The following FNBP1 variants were observed in gnomAD, a reference collection of about 807,000 sequenced individuals.
FNBP1 encodes formin-binding protein 1.
Under a neutral mutation model 90.6 loss-of-function variants are expected in FNBP1, and 26 were observed. The observed-to-expected ratio is 0.29, with a 90% confidence interval of 0.21 to 0.40. FNBP1 has a LOEUF of 0.40. FNBP1 is among the 10% of genes least tolerant of loss of function. The pLI is 1.00. For synonymous variants in FNBP1, 260 were observed against 265.2 expected (o/e 0.98, Z 0.19); for missense variants, 635 against 768.0 (o/e 0.83, Z 2.05).
chr9:129,946,351 A>G (rs1381504422), intron 6 of FNBP1, among the ~76,000 whole-genome samples: 1 of 152,220 alleles, frequency 6.6e-6, no homozygotes, highest in African/African-American at 2.4e-5. Context: ...TATACAAAAA[A>G]TGGAAGGCAA....
At chr9:129,955,534 C>G (rs2046798153) in intron 6 of FNBP1, among the ~76,000 whole-genome samples, 1 of 146,452 alleles carries the variant, frequency 6.8e-6, no homozygotes, top group Admixed American at 6.8e-5. Flanking sequence ...ATACACCACA[C>G]CAAAAAAAAA....
intron 2 of FNBP1, among the ~76,000 whole-genome samples, chr9:129,984,291 A>G (rs1211277436): frequency 3.3e-5 from 5 of 152,220 alleles, no homozygotes; most frequent in African/African-American, 1.2e-4. Flanking sequence ...AAAAAAATGA[A>G]GAAAGGAGTC....
chr9:130,008,330 C>A (rs2056099893), intron 1 of FNBP1, among the ~76,000 whole-genome samples: 1 of 152,018 alleles, frequency 6.6e-6, no homozygotes, highest in Non-Finnish European at 1.5e-5. Context: ...GCCTGGGCAA[C>A]AGAGTGAGAC....
At chr9:129,915,681 A>G (rs2040150472) in intron 11 of FNBP1, among the ~76,000 whole-genome samples, 1 of 152,150 alleles carries the variant, frequency 6.6e-6, no homozygotes, top group African/African-American at 2.4e-5. Context: ...TAATATTTAT[A>G]TAGACACTTT....
At chr9:129,952,470 C>A (rs2046332240) in intron 6 of FNBP1, among the ~76,000 whole-genome samples, 1 of 152,000 alleles carries the variant, frequency 6.6e-6, no homozygotes, top group Admixed American at 6.6e-5. Flanking sequence ...TGCACTCTAG[C>A]CTGGGCGACA....
intron 1 of FNBP1, among the ~76,000 whole-genome samples, chr9:129,998,852 C>T (rs1429396519): frequency 6.6e-6 from 1 of 152,176 alleles, no homozygotes; most frequent in East Asian, 1.9e-4. Context: ...CTATTCAGGA[C>T]CATTCTACAA....
At chr9:129,931,362 G>C (rs987651666) in intron 6 of FNBP1, among the ~76,000 whole-genome samples, 1 of 152,174 alleles carries the variant, frequency 6.6e-6, no homozygotes, top group Middle Eastern at 3.4e-3. Flanking sequence ...CTAACACTTT[G>C]GGAGGCTGAG....
chr9:130,053,876 GC>G, the FNBP1 span: 1 of 1,524,934 alleles, frequency 6.6e-7, no homozygotes, highest in Non-Finnish European at 8.9e-7. Context: ...CGGCGGCTGC[GC>G]CCTTTCACCC....
Position 129,889,338 on chromosome 9 carries a change from G to A in FNBP1, c.*1201C>T, listed in dbSNP as rs970664201. On this transcript the variant is annotated 3_prime_UTR_variant, in exon 17 of 17. Transcript: ENST00000446176. ...TAATCTCAGCACTTTGGGAGGCTGA[G>A]GCGGGCGGATCACCTGAGGTCAGGA... The A allele has an allele frequency of 3.9e-5, 7 of 181,452 alleles. No homozygotes were observed. The highest frequency in any genetic ancestry group is 7.1e-5 in the Non-Finnish European group (6 of 84,884). The allele number at this position is 181,452 out of a possible 1,614,324, so 11.2% of individuals were successfully genotyped here. A position where few individuals can be genotyped will look rare whatever the true frequency, so the allele number is the denominator to read the frequency against.
At position 130,043,166 on chromosome 9, in the gene FNBP1, A is replaced by C; in HGVS notation, c.-191T>G. The stretch of plus-strand genomic sequence containing the variant: ...CTCCTCCCCGCCGCTCCACAGCAAA[A>C]TGGCCCGAGGAAGCAGCAGCCGCGG... On this transcript the variant is annotated 5_prime_UTR_variant, in exon 1 of 17. Transcript: ENST00000446176. The C allele has an allele frequency of 7.6e-6, 3 of 396,654 alleles. No homozygotes were observed. The highest frequency in any genetic ancestry group is 1.3e-5 in the Non-Finnish European group (3 of 232,958). The allele number at this position is 396,654 out of a possible 1,614,324, so 24.6% of individuals were successfully genotyped here. A position where few individuals can be genotyped will look rare whatever the true frequency, so the allele number is the denominator to read the frequency against.
At chr9:129,993,524 A>G (rs1443704158) in intron 2 of FNBP1, among the ~76,000 whole-genome samples, 4 of 148,064 alleles carry the variant, frequency 2.7e-5, no homozygotes, top group African/African-American at 9.8e-5. Flanking sequence ...TATGTTGCCC[A>G]GGCTGGTCTT....
chr9:129,997,176 T>C (rs1434029829), intron 1 of FNBP1, among the ~76,000 whole-genome samples: 1 of 151,810 alleles, frequency 6.6e-6, no homozygotes, highest in Non-Finnish European at 1.5e-5. Context: ...AATACAAAAG[T>C]AGCCGGGCGT....
At chr9:129,956,931 T>C (rs1417649645) in intron 6 of FNBP1, among the ~76,000 whole-genome samples, 6 of 152,146 alleles carry the variant, frequency 3.9e-5, no homozygotes, top group Non-Finnish European at 8.8e-5. Context: ...ATGAAAATGA[T>C]TCCCCATGTA....
chr9:130,046,460 G>A (rs574322989), upstream of FNBP1, among the ~76,000 whole-genome samples: 7 of 151,828 alleles, frequency 4.6e-5, no homozygotes, highest in African/African-American at 1.7e-4. Flanking sequence ...TTGGCCGGAC[G>A]TGGTGGCTCA....
rs116366386 is a variant in FNBP1 at position 129,892,951 on chromosome 9, C to T, written c.1847-2405G>A. 7.6e-3 allele frequency among the ~76,000 whole-genome samples: 1,119 copies of T among 147,082 alleles called. 21 individuals carry two copies. Among genetic ancestry groups the T allele is most frequent in the African/African-American group, 0.026 (1,061 of 40,550 alleles). On this transcript the variant is annotated intron_variant, in intron 16 of 16. Transcript: ENST00000446176. ...TATTTTCTGAATTAAATTTGAATAA[C>T]GAAATAAATTTGAATAATCAAGAAA...
At chr9:129,895,763 C>G in intron 16 of FNBP1, 75 bp downstream of exon 16, 1 of 1,447,350 alleles carries the variant, frequency 6.9e-7, no homozygotes, top group Non-Finnish European at 9.0e-7. Flanking sequence ...CTGTAACAGT[C>G]ATGGTTGTGG....
chr9:129,973,817 C>G (rs2049877238), intron 4 of FNBP1, among the ~76,000 whole-genome samples: 1 of 125,976 alleles, frequency 7.9e-6, no homozygotes, highest in African/African-American at 2.9e-5. Context: ...CTTTTTTTTT[C>G]TTTTTTTTTT....
chr9:129,928,257 T>G (rs1202747831), intron 7 of FNBP1, among the ~76,000 whole-genome samples: 1 of 152,256 alleles, frequency 6.6e-6, no homozygotes, highest in Admixed American at 6.5e-5. Context: ...GTCATTTGTT[T>G]AAATCCTATA....
At chr9:129,949,055 CG>C (rs1588789156) in intron 6 of FNBP1, among the ~76,000 whole-genome samples, 1 of 151,978 alleles carries the variant, frequency 6.6e-6, no homozygotes, top group East Asian at 1.9e-4. Flanking sequence ...TAGTCCACCT[CG>C]TTGAAAGGGC....
Sources: gnomAD v4.1 joint callset for allele counts (sites outside exome capture counted in the v4.1 genomes callset) on GRCh38, gnomAD v4.1.1 for gene constraint, MANE v1.5 for transcripts, NCBI Gene and HGNC (gene_info 2026-07-23, HGNC 2026-07-21) for gene names.